DHRSX: variants seen among roughly 807,000 people sequenced by gnomAD.
DHRSX encodes polyprenol dehydrogenase.
Under a neutral mutation model 34.0 loss-of-function variants are expected in DHRSX, and 31 were observed. The ratio of observed to expected loss-of-function variants is 0.91; its 90% CI spans 0.69 to 1.23. The LOEUF (loss-of-function observed/expected upper bound fraction) is 1.23. Ranked by LOEUF, DHRSX falls within the 50% of genes most tolerant of loss-of-function variation. The probability of loss-of-function intolerance (pLI) is 0.00; values close to 1 mark genes in which losing one functional copy is unlikely to be tolerated. For missense variants in DHRSX, 414 were observed against 428.1 expected (o/e 0.97, Z 0.29); for synonymous variants, 201 against 183.8 (o/e 1.09, Z -0.76).
intron 3 of DHRSX, among the ~76,000 whole-genome samples, chrX:2,351,574 T>C (rs1296437484): frequency 6.6e-6 from 1 of 152,028 alleles, no homozygotes; most frequent in African/African-American, 2.4e-5. Flanking sequence ...GTGCTGGACA[T>C]GGGGAGGGCC....
At chrX:2,230,531 A>C (rs1450319910) in intron 6 of DHRSX, among the ~76,000 whole-genome samples, 1 of 152,212 alleles carries the variant, frequency 6.6e-6, no homozygotes, top group Non-Finnish European at 1.5e-5. Context: ...TGGCTGGGCT[A>C]TGGTGCCCAG....
intron 5 of DHRSX, among the ~76,000 whole-genome samples, chrX:2,257,492 G>A (rs147579455): frequency 0.012 from 1,827 of 152,282 alleles, 17 homozygotes; most frequent in Middle Eastern, 0.037. Context: ...AGAAGACGCC[G>A]GCTGAGGCGT....
At chrX:2,358,254 A>G (rs1380566126) in intron 3 of DHRSX, among the ~76,000 whole-genome samples, 3 of 152,214 alleles carry the variant, frequency 2.0e-5, no homozygotes, top group African/African-American at 7.2e-5. Flanking sequence ...CCAACTATGC[A>G]TCTGATAAAG....
At chrX:2,264,802 C>T (rs867945591) in intron 5 of DHRSX, among the ~76,000 whole-genome samples, 7 of 151,902 alleles carry the variant, frequency 4.6e-5, no homozygotes, top group African/African-American at 7.3e-5. Context: ...AGCACCGTGC[C>T]CAGAGCACAA....
chrX:2,437,093 G>A (rs1395557938), intron 1 of DHRSX, among the ~76,000 whole-genome samples: 1 of 151,996 alleles, frequency 6.6e-6, no homozygotes, highest in Non-Finnish European at 1.5e-5. Context: ...TGCCTCCTGG[G>A]TTCATGCCAT....
rs371758451 is a variant in DHRSX, at chrX:2,283,138, G to A, written c.388+8364C>T. On this transcript the variant is annotated intron_variant, in intron 4 of 6. Coordinates refer to ENST00000334651, the MANE Select transcript of DHRSX (RefSeq NM_145177.3). ...TTCTCAACCCACTTCCTAGAATCTC[G>A]GGAGGGCGGTGGGAAGGATGGAGCC... Among the ~76,000 whole-genome samples, 93 of 152,014 alleles carry A rather than the reference G, an allele frequency of 6.1e-4. 3 individuals are homozygous for A. In the South Asian group the frequency reaches 0.019, roughly 30 times the overall value.
intron 5 of DHRSX, among the ~76,000 whole-genome samples, chrX:2,244,043 T>A (rs1209239621): frequency 6.6e-6 from 1 of 151,990 alleles, no homozygotes; most frequent in African/African-American, 2.4e-5. Flanking sequence ...AGTGCTGGGA[T>A]GACAGGCATG....
At chrX:2,335,330 AAT>A (rs2042542737) in intron 3 of DHRSX, among the ~76,000 whole-genome samples, 1 of 151,836 alleles carries the variant, frequency 6.6e-6, no homozygotes, top group South Asian at 2.1e-4. Flanking sequence ...GACATCAATC[AAT>A]ATATGTTGAG....
At chrX:2,442,483 T>C (rs752781319) in intron 1 of DHRSX, among the ~76,000 whole-genome samples, 1 of 151,910 alleles carries the variant, frequency 6.6e-6, no homozygotes, top group African/African-American at 2.4e-5. Flanking sequence ...TATATATATA[T>C]ATTCAGTTCC....
intron 3 of DHRSX, among the ~76,000 whole-genome samples, chrX:2,354,122 C>T (rs1013295899): frequency 6.6e-6 from 1 of 152,164 alleles, no homozygotes; most frequent in Non-Finnish European, 1.5e-5. Context: ...GCATCGTCTC[C>T]TGGTGGCCAT....
intron 3 of DHRSX, 134 bp downstream of exon 3, chrX:2,408,611 A>C (rs2043588184): frequency 2.7e-6 from 2 of 751,564 alleles, no homozygotes; most frequent in Admixed American, 2.8e-5. Context: ...CCCCAAAAGA[A>C]GAGTGCAAAA....
chrX:2,314,223 A>G (rs867604306), intron 3 of DHRSX, among the ~76,000 whole-genome samples: 1 of 11,806 alleles, frequency 8.5e-5, no homozygotes, highest in Non-Finnish European at 1.6e-4. Context: ...GGAAGGAGGG[A>G]AGGAAGGGAG....
intron 1 of DHRSX, among the ~76,000 whole-genome samples, chrX:2,449,576 C>T (rs1204005050): frequency 3.3e-5 from 5 of 152,232 alleles, no homozygotes; most frequent in Non-Finnish European, 7.4e-5. Context: ...CTCACTGCAG[C>T]CTCAACCTCC....
intron 3 of DHRSX, among the ~76,000 whole-genome samples, chrX:2,382,789 CCATCAT>C: frequency 8.2e-6 from 1 of 121,342 alleles, no homozygotes; most frequent in South Asian, 3.0e-4. Flanking sequence ...ACCATCATCA[CCATCAT>C]CATCACCATC....
At chrX:2,229,034 C>T (rs2015802990) in intron 6 of DHRSX, among the ~76,000 whole-genome samples, 1 of 152,082 alleles carries the variant, frequency 6.6e-6, no homozygotes, top group Non-Finnish European at 1.5e-5. Flanking sequence ...GCGGCAAACG[C>T]TCAGCTCTCT....
intron 3 of DHRSX, among the ~76,000 whole-genome samples, chrX:2,300,844 C>G (rs2042000511): frequency 6.6e-6 from 1 of 152,124 alleles, no homozygotes; most frequent in African/African-American, 2.4e-5. Context: ...TCCCTCACCC[C>G]CTATATCTAT....
At chrX:2,367,205 T>C (rs2043003976) in intron 3 of DHRSX, among the ~76,000 whole-genome samples, 1 of 151,994 alleles carries the variant, frequency 6.6e-6, no homozygotes, top group African/African-American at 2.4e-5. Context: ...TTTGGGAGGC[T>C]GAGGTGGGCG....
intron 1 of DHRSX, chrX:2,489,792 C>T: frequency 6.2e-7 from 1 of 1,613,450 alleles, no homozygotes; most frequent in Non-Finnish European, 8.5e-7. Context: ...GACAGCAGCG[C>T]CCCCAGCTTC....
intron 3 of DHRSX, among the ~76,000 whole-genome samples, chrX:2,355,282 A>G (rs1027894993): frequency 6.6e-6 from 1 of 152,110 alleles, no homozygotes; most frequent in Non-Finnish European, 1.5e-5. Context: ...GAAGCCGAGG[A>G]CGACGGATTG....
Sources: gnomAD v4.1 joint callset for allele counts (sites outside exome capture counted in the v4.1 genomes callset) on GRCh38, gnomAD v4.1.1 for gene constraint, MANE v1.5 for transcripts, NCBI Gene and HGNC (gene_info 2026-07-23, HGNC 2026-07-21) for gene names.